The following PLCB1 variants were observed in gnomAD, a reference collection of about 807,000 sequenced individuals.
PLCB1 encodes 1-phosphatidylinositol 4,5-bisphosphate phosphodiesterase beta-1.
A neutral mutation model predicts 161.8 loss-of-function variants in PLCB1; 46 were observed. That is an observed-to-expected ratio of 0.28 (90% confidence interval 0.22 to 0.36). The LOEUF is 0.36. Ranked by LOEUF, PLCB1 falls within the 10% of genes least tolerant of loss-of-function variation. PLCB1 has a pLI of 1.00. For missense variants in PLCB1, 1,016 were observed against 1,472.5 expected (o/e 0.69, Z 5.07); for synonymous variants, 517 against 503.7 (o/e 1.03, Z -0.35).
chr20:8,366,416 T>A (rs552788078), intron 2 of PLCB1, among the ~76,000 whole-genome samples: 9 of 152,328 alleles, frequency 5.9e-5, no homozygotes, highest in African/African-American at 1.9e-4. Flanking sequence ...CTGAGTTTGA[T>A]AATTAACATC....
intron 3 of PLCB1, among the ~76,000 whole-genome samples, chr20:8,522,406 A>G (rs1248775841): frequency 6.6e-6 from 1 of 152,104 alleles, no homozygotes; most frequent in Non-Finnish European, 1.5e-5. Context: ...TACGCTAACA[A>G]TTTATCTTCT....
chr20:8,182,239 C>A (rs1053105055), intron 2 of PLCB1, among the ~76,000 whole-genome samples: 4 of 152,162 alleles, frequency 2.6e-5, no homozygotes, highest in Non-Finnish European at 5.9e-5. Flanking sequence ...CTCTAATATT[C>A]CCTTTCCTGT....
intron 2 of PLCB1, among the ~76,000 whole-genome samples, chr20:8,199,274 A>G (rs184970384): frequency 2.0e-5 from 3 of 152,120 alleles, no homozygotes; most frequent in African/African-American, 7.2e-5. Flanking sequence ...TGTAGTGGAC[A>G]TCCTTGCATG....
chr20:8,407,207 A>AAT (rs1461630667), intron 3 of PLCB1, among the ~76,000 whole-genome samples: 3 of 152,228 alleles, frequency 2.0e-5, no homozygotes, highest in Non-Finnish European at 2.9e-5. Flanking sequence ...TTTCATACAG[A>AAT]ATAGTCCCAA....
chr20:8,495,327 G>A (rs1351340164), intron 3 of PLCB1, among the ~76,000 whole-genome samples: 12 of 151,272 alleles, frequency 7.9e-5, no homozygotes, highest in Non-Finnish European at 1.6e-4. Flanking sequence ...TTAACATTTT[G>A]GCTTCAGACT....
At chr20:8,580,895 G>A (rs1986814471) in intron 3 of PLCB1, among the ~76,000 whole-genome samples, 1 of 152,216 alleles carries the variant, frequency 6.6e-6, no homozygotes, top group Non-Finnish European at 1.5e-5. Context: ...TATGTGCAAA[G>A]GCACAGAGTC....
chr20:8,161,454 T>A (rs1297811944), intron 2 of PLCB1, among the ~76,000 whole-genome samples: 1 of 152,192 alleles, frequency 6.6e-6, no homozygotes. Context: ...GTTGTACAGT[T>A]GGTTAATGGC....
chr20:8,507,202 C>T (rs1046983265), intron 3 of PLCB1, among the ~76,000 whole-genome samples: 4 of 152,096 alleles, frequency 2.6e-5, no homozygotes, highest in East Asian at 1.9e-4. Context: ...TTTGTCATCA[C>T]GTTGAGTAGG....
At chr20:8,535,329 T>C (rs535676494) in intron 3 of PLCB1, among the ~76,000 whole-genome samples, 179 of 151,692 alleles carry the variant, frequency 1.2e-3, no homozygotes, top group African/African-American at 4.1e-3. Flanking sequence ...ATTAAACATA[T>C]CTACATCTGT....
intron 2 of PLCB1, among the ~76,000 whole-genome samples, chr20:8,325,310 T>A (rs1985106819): frequency 6.6e-6 from 1 of 152,218 alleles, no homozygotes; most frequent in Admixed American, 6.5e-5. Context: ...TATTCTGGAC[T>A]CTTCTCTGAT....
chr20:8,781,365 T>C (rs1219059623), intron 27 of PLCB1, among the ~76,000 whole-genome samples: 1 of 151,312 alleles, frequency 6.6e-6, no homozygotes, highest in Non-Finnish European at 1.5e-5. Flanking sequence ...TCAATTTTCC[T>C]GATTATTACC....
intron 3 of PLCB1, among the ~76,000 whole-genome samples, chr20:8,581,136 C>A (rs1247842288): frequency 6.6e-6 from 1 of 152,168 alleles, no homozygotes; most frequent in Admixed American, 6.5e-5. Flanking sequence ...AAAGGTTATT[C>A]AGGCTTTGCT....
At chr20:8,770,921 T>A (rs776827389) in intron 26 of PLCB1, among the ~76,000 whole-genome samples, 1 of 152,214 alleles carries the variant, frequency 6.6e-6, no homozygotes, top group South Asian at 2.1e-4. Context: ...TGTTTATTCA[T>A]TTTTGTATTT....
chr20:8,412,376 G>T (rs912160429), intron 3 of PLCB1, among the ~76,000 whole-genome samples: 4 of 152,156 alleles, frequency 2.6e-5, no homozygotes, highest in Admixed American at 2.6e-4. Flanking sequence ...CCCACTGTGG[G>T]GTTCCAGAGG....
At chr20:8,136,274 T>C (rs1348645163) in intron 1 of PLCB1, among the ~76,000 whole-genome samples, 1 of 152,194 alleles carries the variant, frequency 6.6e-6, no homozygotes, top group African/African-American at 2.4e-5. Context: ...AATGAATGCA[T>C]ATGCATTGCT....
chr20:8,784,518 G>T (rs1404518653), intron 27 of PLCB1, among the ~76,000 whole-genome samples: 1 of 150,440 alleles, frequency 6.6e-6, no homozygotes, highest in African/African-American at 2.5e-5. Flanking sequence ...AGCCGAGATT[G>T]CACCACTGCA....
At chr20:8,444,016 C>G (rs943807001) in intron 3 of PLCB1, among the ~76,000 whole-genome samples, 1 of 152,076 alleles carries the variant, frequency 6.6e-6, no homozygotes, top group African/African-American at 2.4e-5. Context: ...TTGAATTTGT[C>G]TCTTTACTGA....
In PLCB1 at chr20:8,576,635, T is replaced by A. The variant is rs559377152; in HGVS notation, c.247-51659T>A. On this transcript the variant is annotated intron_variant, in intron 3 of 31. Coordinates refer to ENST00000338037, the MANE Select transcript of PLCB1 (RefSeq NM_015192.4). ...ATATGTATTTTATAAAGAAACAGAA[T>A]CAGAATATAATTTGTTACTCATCTC... Among the ~76,000 whole-genome samples, 12 of 152,294 alleles carry A rather than the reference T, an allele frequency of 7.9e-5. No individual in the cohort carries two copies. The South Asian group carries it at 2.5e-3, about 32-fold the overall frequency.
At chr20:8,162,168 T>A (rs1448896420) in intron 2 of PLCB1, among the ~76,000 whole-genome samples, 2 of 152,226 alleles carry the variant, frequency 1.3e-5, no homozygotes, top group Non-Finnish European at 2.9e-5. Context: ...AGGTATTAGC[T>A]GTTTGTTTTA....
Sources: gnomAD v4.1 joint callset for allele counts (sites outside exome capture counted in the v4.1 genomes callset) on GRCh38, gnomAD v4.1.1 for gene constraint, MANE v1.5 for transcripts, NCBI Gene and HGNC (gene_info 2026-07-23, HGNC 2026-07-21) for gene names.